The following ZC3H12C variants were observed in gnomAD, a reference collection of about 807,000 sequenced individuals.
The protein encoded by ZC3H12C is probable ribonuclease ZC3H12C.
Under a neutral mutation model 76.3 loss-of-function variants are expected in ZC3H12C, and 20 were observed. The observed-to-expected ratio is 0.26, with a 90% CI of 0.18 to 0.38. The LOEUF is 0.38. Among genes scored for constraint, ZC3H12C ranks in the 10% least tolerant of loss-of-function variants. ZC3H12C has a pLI of 1.00. For synonymous variants in ZC3H12C, 352 were observed against 399.6 expected, an observed-to-expected ratio of 0.88 and a Z score of 1.42; for missense variants, 874 against 1,086.5, an observed-to-expected ratio of 0.80 and a Z score of 2.75.
intron 1 of ZC3H12C, among the ~76,000 whole-genome samples, chr11:110,102,885 AT>A (rs887806364): frequency 1.3e-5 from 2 of 152,216 alleles, no homozygotes; most frequent in African/African-American, 4.8e-5. Context: ...GGCTCAGATA[AT>A]CATTAGAATT....
chr11:110,162,480 G>T (rs1862498000), intron 4 of ZC3H12C, among the ~76,000 whole-genome samples: 1 of 152,218 alleles, frequency 6.6e-6, no homozygotes, highest in Admixed American at 6.5e-5. Context: ...AAATACTTGG[G>T]TTTAAGTTCA....
chr11:110,152,313 G>C (rs1565265528), intron 2 of ZC3H12C, among the ~76,000 whole-genome samples: 1 of 152,180 alleles, frequency 6.6e-6, no homozygotes. Context: ...ACAGAAACTA[G>C]GTGTCTTTTC....
At chr11:110,155,638 G>A (rs1862363651) in intron 3 of ZC3H12C, among the ~76,000 whole-genome samples, 1 of 152,066 alleles carries the variant, frequency 6.6e-6, no homozygotes, top group African/African-American at 2.4e-5. Flanking sequence ...TTAATGATCT[G>A]CAGAAATGCT....
rs1862676934 is a variant in ZC3H12C, at chr11:110,171,421, T to C, written c.*5684T>C. On this transcript the variant is annotated 3_prime_UTR_variant, in exon 6 of 6. Coordinates refer to ENST00000278590, the MANE Select transcript of ZC3H12C (RefSeq NM_033390.2). ...TTTTATTTGATCCTGCGAACTTTTC[T>C]TATAGGAAAAGTAAGGCAAAGGATG... The C allele has an allele frequency of 6.6e-6, 1 of 152,196 alleles. No individual in the cohort carries two copies. The allele number at this position is 152,196 out of a possible 1,614,324, so 9.4% of individuals were successfully genotyped here. A position where few individuals can be genotyped will look rare whatever the true frequency, so the allele number is the denominator to read the frequency against.
At chr11:110,135,457 T>C (rs1308119854) in intron 1 of ZC3H12C, among the ~76,000 whole-genome samples, 2 of 120,928 alleles carry the variant, frequency 1.7e-5, no homozygotes, top group Non-Finnish European at 3.2e-5. Flanking sequence ...ACCGCTGCAC[T>C]CCAGCCTGGG....
Position 110,111,950 on chromosome 11 carries a change from T to TGTGCATGGTCATGCACACGTGCAC in ZC3H12C, c.21+18519_21+18542dup, listed in dbSNP as rs1861438881. ...CCCCACATCCCCATCTTTCAGTGCA[T>TGTGCATGGTCATGCACACGTGCAC]GTGCATGGTCATGCACACGTGCACA... On this transcript the variant is annotated intron_variant, in intron 1 of 5. Coordinates refer to ENST00000278590, the MANE Select transcript of ZC3H12C (RefSeq NM_033390.2). Among the ~76,000 whole-genome samples the TGTGCATGGTCATGCACACGTGCAC allele has an allele frequency of 2.3e-5, 3 of 133,260 alleles. No individual in the cohort carries two copies. The South Asian group carries it at 7.3e-4, about 32-fold the overall frequency. The allele number at this position is 133,260 out of a possible 152,430, so 87.4% of individuals were successfully genotyped here.
intron 3 of ZC3H12C, among the ~76,000 whole-genome samples, chr11:110,155,924 T>TA (rs11372652): frequency 0.69 from 104,164 of 151,390 alleles, 36,613 homozygotes; most frequent in South Asian, 0.79. Flanking sequence ...TAGAGTAAAT[T>TA]AAAAAAAGGA....
At chr11:110,145,898 G>C (rs1862158173) in intron 2 of ZC3H12C, among the ~76,000 whole-genome samples, 1 of 152,180 alleles carries the variant, frequency 6.6e-6, no homozygotes, top group Non-Finnish European at 1.5e-5. Flanking sequence ...CATGTTCTTC[G>C]AACACAGGAC....
At position 110,165,734 on chromosome 11, in the gene ZC3H12C, T is replaced by C. The variant is rs1591489473; in HGVS notation, c.2649T>C (p.Tyr883=). 1.3e-6 allele frequency: 2 copies of C among 1,574,248 alleles called. No individual in the cohort carries two copies. The highest frequency in any genetic ancestry group is 8.6e-7 in the Non-Finnish European group (1 of 1,158,756). The stretch of plus-strand genomic sequence containing the variant: ...TAGTGGAGAAATCCCAGCTGGGTTA[T>C]TGAAAGATGATGCATCTTTGTGGTG... ...AILVEKSQLG[Y] is the part of the protein sequence containing the mutation. The change falls in exon 6 of 6, where the codon TAT becomes TAC. Residue 883 remains tyrosine (Y), a synonymous_variant. Transcript: ENST00000278590.
Position 110,166,282 on chromosome 11 carries a change from C to T in ZC3H12C, c.*545C>T, listed in dbSNP as rs1024846408. The T allele has an allele frequency of 6.5e-6, 1 of 153,238 alleles. No individual in the cohort carries two copies. Among genetic ancestry groups the T allele is most frequent in the African/African-American group, 2.4e-5 (1 of 41,402 alleles). The allele number at this position is 153,238 out of a possible 1,614,324, so 9.5% of individuals were successfully genotyped here. On this transcript the variant is annotated 3_prime_UTR_variant, in exon 6 of 6. Coordinates refer to ENST00000278590, the MANE Select transcript of ZC3H12C (RefSeq NM_033390.2). ...TATTTATAGAAACAAAGTTATACTA[C>T]AGCACTGACTTTATATTTTAAACAG...
chr11:110,148,549 A>C (rs533947375), intron 2 of ZC3H12C, among the ~76,000 whole-genome samples: 1 of 152,310 alleles, frequency 6.6e-6, no homozygotes, highest in South Asian at 2.1e-4. Flanking sequence ...TTTGGCAAAC[A>C]TTCAGAGTTC....
chr11:110,123,083 AT>A (rs1861678954), intron 1 of ZC3H12C, among the ~76,000 whole-genome samples: 1 of 152,164 alleles, frequency 6.6e-6, no homozygotes, highest in Admixed American at 6.5e-5. Flanking sequence ...TATTTCTGGA[AT>A]TTTGCATTTA....
intron 1 of ZC3H12C, among the ~76,000 whole-genome samples, chr11:110,111,450 T>C (rs992330248): frequency 3.3e-5 from 5 of 151,750 alleles, no homozygotes; most frequent in African/African-American, 1.2e-4. Flanking sequence ...AATTAGAAGG[T>C]AAAATAAAAG....
chr11:110,131,011 T>C, intron 1 of ZC3H12C: 1 of 1,535,366 alleles, frequency 6.5e-7, no homozygotes, highest in Non-Finnish European at 8.7e-7. Flanking sequence ...TTCATTGTTC[T>C]TCTTGCCTGC....
rs1219935159 is a variant in ZC3H12C at position 110,153,072 on chromosome 11, A to T, written c.913+14A>T. ...CTCTCATTACAGGTAGGCTTATTCC[A>T]GGCGGCTGCTTGTACCTAGCTTTCC... On this transcript the variant is annotated intron_variant, in intron 3 of 5. Transcript: ENST00000278590. The T allele has an allele frequency of 6.2e-7, 1 of 1,607,396 alleles. No homozygotes were observed.
chr11:110,128,889 CAAAAAAAA>C (rs145436449), intron 1 of ZC3H12C, among the ~76,000 whole-genome samples: 1 of 94,172 alleles, frequency 1.1e-5, no homozygotes. Flanking sequence ...CCACCACTAA[CAAAAAAAA>C]AAAAAAAAAA....
intron 1 of ZC3H12C, among the ~76,000 whole-genome samples, chr11:110,103,996 C>CTT (rs768000382): frequency 3.9e-4 from 50 of 127,722 alleles, no homozygotes; most frequent in African/African-American, 1.1e-3. Context: ...GGAAACAATT[C>CTT]TTTTTTTTTT....
intron 1 of ZC3H12C, among the ~76,000 whole-genome samples, chr11:110,103,602 A>AG (rs1211778382): frequency 4.0e-5 from 5 of 124,298 alleles, no homozygotes; most frequent in Non-Finnish European, 9.2e-5. Context: ...CAAGTTATTG[A>AG]GTTTTTTTTT....
At chr11:110,112,837 T>TC (rs1286841896) in intron 1 of ZC3H12C, among the ~76,000 whole-genome samples, 20 of 152,272 alleles carry the variant, frequency 1.3e-4, no homozygotes, top group Middle Eastern at 3.4e-3. Context: ...CTGTTGTTTT[T>TC]CCCCATTTCA....
Sources: allele counts gnomAD v4.1 joint callset (sites outside exome capture counted in the v4.1 genomes callset), GRCh38; gene constraint gnomAD v4.1.1; transcripts MANE v1.5; gene names NCBI Gene and HGNC (gene_info 2026-07-23, HGNC 2026-07-21).